Variants in PICALM observed in about 807,000 individuals in gnomAD.
PICALM encodes phosphatidylinositol binding clathrin assembly protein.
A neutral mutation model predicts 80.5 loss-of-function variants in PICALM; 40 were observed. That is an observed-to-expected ratio of 0.50 (90% CI 0.39 to 0.65). The LOEUF is 0.65. Ranked by LOEUF, PICALM falls within the 30% of genes least tolerant of loss-of-function variation. The pLI is 0.00. For missense variants in PICALM, 676 were observed against 778.9 expected (o/e 0.87, Z 1.57); for synonymous variants, 288 against 260.3 (o/e 1.11, Z -1.02).
chr11:86,009,985 A>C (rs1170327550), intron 7 of PICALM, among the ~76,000 whole-genome samples: 1 of 152,246 alleles, frequency 6.6e-6, no homozygotes, highest in Non-Finnish European at 1.5e-5. Context: ...TATTGCATCT[A>C]ATATAGAATA....
intron 3 of PICALM, among the ~76,000 whole-genome samples, chr11:86,024,965 T>C (rs1318630116): frequency 6.6e-6 from 1 of 152,220 alleles, no homozygotes; most frequent in Non-Finnish European, 1.5e-5. Context: ...CCAATTCATT[T>C]GGCATATCCT....
intron 1 of PICALM, among the ~76,000 whole-genome samples, chr11:86,048,705 G>A (rs1404426194): frequency 6.6e-6 from 1 of 151,670 alleles, no homozygotes; most frequent in African/African-American, 2.4e-5. Flanking sequence ...GGTGGCGCAT[G>A]CCTGTAATCT....
chr11:85,988,848 T>A (rs1392893683), intron 13 of PICALM, among the ~76,000 whole-genome samples: 1 of 152,140 alleles, frequency 6.6e-6, no homozygotes, highest in Non-Finnish European at 1.5e-5. Flanking sequence ...TTGCATAAAT[T>A]AGAAAGAAAA....
chr11:86,063,522 A>C (rs2096400047), intron 1 of PICALM, among the ~76,000 whole-genome samples: 1 of 152,212 alleles, frequency 6.6e-6, no homozygotes. Context: ...AGTTCTCTTT[A>C]GAGTTCCTCT....
intron 19 of PICALM, among the ~76,000 whole-genome samples, chr11:85,963,700 G>A (rs1203344337): frequency 6.6e-6 from 1 of 152,100 alleles, no homozygotes; most frequent in African/African-American, 2.4e-5. Context: ...ACGGTAAAAT[G>A]TTACCAAAAT....
intron 1 of PICALM, among the ~76,000 whole-genome samples, chr11:86,043,959 G>A (rs1015456818): frequency 1.3e-5 from 2 of 152,116 alleles, no homozygotes; most frequent in African/African-American, 2.4e-5. Context: ...ACAGAACAAC[G>A]AGAATCTTTA....
At chr11:86,007,329 A>G in intron 8 of PICALM, 1 of 308,868 alleles carries the variant, frequency 3.2e-6, no homozygotes, top group Non-Finnish European at 6.2e-6. Flanking sequence ...AATAAATGGT[A>G]TGACAGTGGG....
chr11:86,053,194 C>A (rs1232706074), intron 1 of PICALM, among the ~76,000 whole-genome samples: 44 of 152,222 alleles, frequency 2.9e-4, no homozygotes, highest in Admixed American at 2.9e-3. Flanking sequence ...CCTAAAGCTG[C>A]TTCCATAAGC....
intron 4 of PICALM, 125 bp downstream of exon 4, chr11:86,022,242 T>C (rs1319945792): frequency 1.7e-6 from 1 of 596,978 alleles, no homozygotes; most frequent in Non-Finnish European, 2.9e-6. Flanking sequence ...ATATACCTCA[T>C]CAAAGAAAAA....
chr11:85,973,038 T>G (rs893918261), intron 19 of PICALM, among the ~76,000 whole-genome samples: 2 of 152,200 alleles, frequency 1.3e-5, no homozygotes, highest in Admixed American at 1.3e-4. Context: ...ATAAAAGTAA[T>G]GACTGTGTCA....
chr11:86,022,101 C>A (rs1437907284), intron 4 of PICALM, among the ~76,000 whole-genome samples: 3 of 152,056 alleles, frequency 2.0e-5, no homozygotes, highest in Non-Finnish European at 4.4e-5. Flanking sequence ...TGATGTTGGA[C>A]AACTTTGTAA....
chr11:86,007,558 A>G lies in PICALM; in HGVS notation c.791T>C (p.Ile264Thr). 1 of 1,505,020 alleles carries G rather than the reference A, an allele frequency of 6.6e-7. No homozygotes were observed. The highest frequency in any genetic ancestry group is 9.2e-7 in the Non-Finnish European group (1 of 1,088,698). The allele number at this position is 1,505,020 out of a possible 1,614,324, so 93.2% of individuals were successfully genotyped here. The change falls in exon 8 of 20, where the codon ATA (isoleucine) becomes ACA (threonine). Residue 264 changes from isoleucine to threonine, a missense_variant. Physicochemically the swap from Ile to Thr is moderately conservative, Grantham distance 89 (BLOSUM62 -1). Transcript: ENST00000393346. ...AEQVGIDRGD[I>T]PDLSQAPSSL... ...TAAACTTACCTGTGAAAGGTCTGGT[A>G]TATCACCTCTGTCAATTCCAACTTG...
chr11:85,977,851 G>A (rs1455281761), intron 17 of PICALM, among the ~76,000 whole-genome samples: 1 of 152,108 alleles, frequency 6.6e-6, no homozygotes, highest in African/African-American at 2.4e-5. Context: ...AGCAAATGGC[G>A]GAATATTAAG....
At chr11:85,996,452 A>G (rs966364718) in intron 12 of PICALM, among the ~76,000 whole-genome samples, 2 of 152,128 alleles carry the variant, frequency 1.3e-5, no homozygotes, top group African/African-American at 4.8e-5. Context: ...TAACACAAAG[A>G]TAAGTTATTC....
chr11:85,963,611 T>G (rs2093766462), intron 19 of PICALM, among the ~76,000 whole-genome samples: 1 of 152,186 alleles, frequency 6.6e-6, no homozygotes, highest in South Asian at 2.1e-4. Context: ...TATACTAAAA[T>G]CTGCAAGTGG....
chr11:86,044,086 C>T (rs750340906), intron 1 of PICALM, among the ~76,000 whole-genome samples: 1 of 152,188 alleles, frequency 6.6e-6, no homozygotes, highest in African/African-American at 2.4e-5. Context: ...TAGAAATATA[C>T]AATAGTGGAC....
At chr11:86,037,563 G>GT (rs752079070) in intron 1 of PICALM, among the ~76,000 whole-genome samples, 10,221 of 144,386 alleles carry the variant, frequency 0.071, 590 homozygotes, top group African/African-American at 0.17. Flanking sequence ...CAGCTCCCTA[G>GT]TTTTTTTTTT....
At chr11:86,051,461 G>A (rs1055247107) in intron 1 of PICALM, among the ~76,000 whole-genome samples, 1 of 152,106 alleles carries the variant, frequency 6.6e-6, no homozygotes, top group Non-Finnish European at 1.5e-5. Context: ...AGGAGTTCCT[G>A]ACCAGTCTGG....
chr11:86,007,898 T>C (rs1022108835), intron 7 of PICALM, among the ~76,000 whole-genome samples: 1 of 151,360 alleles, frequency 6.6e-6, no homozygotes, highest in Non-Finnish European at 1.5e-5. Context: ...ATGTGTAATA[T>C]GATAAAAACA....
Sources: gnomAD v4.1 joint callset for allele counts (sites outside exome capture counted in the v4.1 genomes callset) on GRCh38, gnomAD v4.1.1 for gene constraint, MANE v1.5 for transcripts, NCBI Gene and HGNC (gene_info 2026-07-23, HGNC 2026-07-21) for gene names.